Variants in CRISPLD2 observed in about 807,000 individuals in gnomAD.
CRISPLD2 encodes cysteine-rich secretory protein LCCL domain-containing 2.
CRISPLD2 carries 47 observed loss-of-function variants against 71.1 expected under a neutral mutation model. The observed-to-expected ratio is 0.66, with a 90% CI of 0.52 to 0.84. The LOEUF (loss-of-function observed/expected upper bound fraction) is 0.84. Ranked by LOEUF, CRISPLD2 falls within the 40% of genes least tolerant of loss-of-function variation. The pLI, the probability that CRISPLD2 is intolerant of heterozygous loss-of-function variation, is 0.00. For synonymous variants in CRISPLD2, 317 were observed against 250.1 expected (o/e 1.27, Z -2.52); for missense variants, 830 against 651.1 (o/e 1.27, Z -2.99).
In CRISPLD2 at chr16:84,889,415, C is replaced by G. The variant is rs763101235; in HGVS notation, c.1439+52C>G. The G allele has an allele frequency of 1.9e-6, 3 of 1,560,900 alleles. No homozygotes were observed. The South Asian group carries it at 3.6e-5, about 19-fold the overall frequency. ...CACCCAATCCCGGCTGCTAATGGTCCCTCAGGGGGCCTGGGAAGAGGCCCA... is the reference window on the plus strand; with the variant it reads ...CACCCAATCCCGGCTGCTAATGGTCGCTCAGGGGGCCTGGGAAGAGGCCCA... On this transcript the variant is annotated intron_variant, in intron 14 of 14. Transcript: ENST00000262424.
At chr16:84,863,957 C>CAAA (rs781013604) in intron 6 of CRISPLD2, among the ~76,000 whole-genome samples, 1,346 of 80,722 alleles carry the variant, frequency 0.017, 28 homozygotes, top group African/African-American at 0.055. Context: ...AACTTCCTCT[C>CAAA]AAAAAAAAAA....
intron 6 of CRISPLD2, among the ~76,000 whole-genome samples, chr16:84,861,329 A>G (rs1253214736): frequency 6.6e-6 from 1 of 152,146 alleles, no homozygotes; most frequent in Non-Finnish European, 1.5e-5. Context: ...AATAGGATAT[A>G]TATATATAGG....
intron 6 of CRISPLD2, among the ~76,000 whole-genome samples, chr16:84,855,562 C>T (rs1040267637): frequency 1.9e-4 from 29 of 152,158 alleles, no homozygotes; most frequent in African/African-American, 5.3e-4. Context: ...ACCCAGATTA[C>T]GGGTGGGTCT....
chr16:84,877,389 G>A lies in CRISPLD2; in HGVS notation c.1157-49G>A, dbSNP rs199708980. On this transcript the variant is annotated intron_variant, in intron 11 of 14. Transcript: ENST00000262424. ...CCATTGCACAGCCTGGTAGCCTGAG[G>A]CCCAGGCGTGCTGGGACCTGACCCT... 71 of 1,549,410 alleles carry A rather than the reference G, an allele frequency of 4.6e-5. 1 individual carries two copies. In the Admixed American group the frequency reaches 1.1e-3, roughly 25 times the overall value.
intron 11 of CRISPLD2, among the ~76,000 whole-genome samples, chr16:84,874,699 G>GT (rs528414429): frequency 6.6e-6 from 1 of 151,936 alleles, no homozygotes; most frequent in Non-Finnish European, 1.5e-5. Context: ...ATATGTAGTA[G>GT]TTTTTTTTCT....
Position 84,889,288 on chromosome 16 carries a change from G to C in CRISPLD2, c.1364G>C (p.Gly455Ala). ...GGAGTCATCAGCAACGAGAGTGGGG[G>C]TGACGTGGACGTGATGCCCGTGGAT... ...HAGVISNESG[G>A]DVDVMPVDKK... Residue 455 changes from glycine to alanine, a missense_variant, in exon 14 of 15, where the codon GGT becomes GCT. Physicochemically the swap from Gly to Ala is moderately conservative, Grantham distance 60. Transcript: ENST00000262424. 6.2e-7 allele frequency: 1 copy of C among 1,614,122 alleles called. No homozygotes were observed. The highest frequency in any genetic ancestry group is 8.5e-7 in the Non-Finnish European group (1 of 1,179,996).
In CRISPLD2 at chr16:84,866,868, AT is replaced by A. The variant is rs569772824; in HGVS notation, c.710-21del. On this transcript the variant is annotated intron_variant, in intron 6 of 14. Transcript: ENST00000262424. ...CGTTTTTGTTGAATCCCAGTGTGTT[AT>A]TTTTTTTCCTCCCTCTCCAATGTTA... 6.8e-4 allele frequency: 1,087 copies of A among 1,597,862 alleles called. 5 individuals carry two copies. Among genetic ancestry groups the A allele is most frequent in the Middle Eastern group, 3.7e-3 (22 of 6,002 alleles).
intron 14 of CRISPLD2, among the ~76,000 whole-genome samples, chr16:84,898,720 C>T (rs999776350): frequency 6.6e-6 from 1 of 152,230 alleles, no homozygotes; most frequent in African/African-American, 2.4e-5. Context: ...ACCCCACAGC[C>T]CTGATGCTGC....
chr16:84,893,323 A>G (rs2143359456), intron 14 of CRISPLD2, among the ~76,000 whole-genome samples: 1 of 152,332 alleles, frequency 6.6e-6, no homozygotes, highest in South Asian at 2.1e-4. Flanking sequence ...TGTTGCCACA[A>G]CTTCAAAAGA....
intron 14 of CRISPLD2, among the ~76,000 whole-genome samples, chr16:84,891,386 C>T (rs2071661323): frequency 6.6e-6 from 1 of 152,184 alleles, no homozygotes; most frequent in Non-Finnish European, 1.5e-5. Flanking sequence ...CCAGATCGTG[C>T]CCATTCTTCC....
At chr16:84,832,364 G>A (rs1256860236) in intron 1 of CRISPLD2, among the ~76,000 whole-genome samples, 2 of 152,258 alleles carry the variant, frequency 1.3e-5, no homozygotes, top group African/African-American at 2.4e-5. Flanking sequence ...GCAAGGTCAA[G>A]AATTGAACCC....
At chr16:84,879,520 G>A (rs377403318) in intron 12 of CRISPLD2, among the ~76,000 whole-genome samples, 1 of 152,104 alleles carries the variant, frequency 6.6e-6, no homozygotes, top group East Asian at 1.9e-4. Flanking sequence ...GCACCACCAC[G>A]CCTGGCTAAT....
At chr16:84,833,184 G>T (rs1192157213) in intron 1 of CRISPLD2, among the ~76,000 whole-genome samples, 1 of 152,190 alleles carries the variant, frequency 6.6e-6, no homozygotes, top group African/African-American at 2.4e-5. Context: ...AAAGCTCTGG[G>T]CAGCGCGGGA....
rs765728082 is a variant in CRISPLD2 at position 84,877,400 on chromosome 16, C to G, written c.1157-38C>G. 9 of 1,600,414 alleles carry G rather than the reference C, an allele frequency of 5.6e-6. No individual in the cohort carries two copies. The African/African-American group carries it at 1.1e-4, about 19-fold the overall frequency. On this transcript the variant is annotated intron_variant, in intron 11 of 14. Coordinates refer to ENST00000262424, the MANE Select transcript of CRISPLD2 (RefSeq NM_031476.4). ...CCTGGTAGCCTGAGGCCCAGGCGTG[C>G]TGGGACCTGACCCTTTCCCCCTTGC...
Position 84,850,700 on chromosome 16 carries a change from C to A in CRISPLD2, c.608+17C>A, listed in dbSNP as rs757413602. The A allele has an allele frequency of 4.4e-6, 7 of 1,592,434 alleles. No homozygotes were observed. The South Asian group carries it at 6.6e-5, about 15-fold the overall frequency. On this transcript the variant is annotated intron_variant, in intron 5 of 14. Transcript: ENST00000262424. ...TTCTCCAAAGTAAGACAAGTTGATG[C>A]CGTTGTATGGGGTGGGGGTTGGGAT...
chr16:84,835,165 A>C (rs1252231426), intron 1 of CRISPLD2, among the ~76,000 whole-genome samples: 1 of 151,948 alleles, frequency 6.6e-6, no homozygotes, highest in Non-Finnish European at 1.5e-5. Context: ...ATCTCGGCTC[A>C]CTGCAACCTC....
chr16:84,880,724 G>T lies in CRISPLD2; in HGVS notation c.1305+140G>T, dbSNP rs1387324203. ...ATTAATTAATTAATTAATTAATTTCGAGATGGAGTCTTACTCTGTTGCCCA... is the reference window on the plus strand; with the variant it reads ...ATTAATTAATTAATTAATTAATTTCTAGATGGAGTCTTACTCTGTTGCCCA... On this transcript the variant is annotated intron_variant, in intron 13 of 14. Transcript: ENST00000262424. 1.1e-5 allele frequency: 6 copies of T among 549,590 alleles called. No individual in the cohort carries two copies. The South Asian group carries it at 1.2e-4, about 11-fold the overall frequency. The allele number at this position is 549,590 out of a possible 1,614,324, so 34.0% of individuals were successfully genotyped here.
chr16:84,873,899 T>TG lies in CRISPLD2; in HGVS notation c.1113-21_1113-20insG. On this transcript the variant is annotated intron_variant, in intron 10 of 14. Transcript: ENST00000262424. ...TTGCATTTACCTAATGCCCGTTTTT[T>TG]TTTTTTTTTTTTTTAAACAGCAAAT... 3.3e-6 allele frequency: 5 copies of TG among 1,527,656 alleles called. No homozygotes were observed. In the South Asian group the frequency reaches 5.0e-5, roughly 15 times the overall value. The allele number at this position is 1,527,656 out of a possible 1,614,324, so 94.6% of individuals were successfully genotyped here.
At chr16:84,865,020 G>A (rs1011244677) in intron 6 of CRISPLD2, among the ~76,000 whole-genome samples, 51 of 152,204 alleles carry the variant, frequency 3.4e-4, no homozygotes, top group African/African-American at 1.2e-3. Context: ...CAGGGAGTCA[G>A]GCATTTGCCC....
Sources: gnomAD v4.1 joint callset for allele counts (sites outside exome capture counted in the v4.1 genomes callset) on GRCh38, gnomAD v4.1.1 for gene constraint, MANE v1.5 for transcripts, NCBI Gene and HGNC (gene_info 2026-07-23, HGNC 2026-07-21) for gene names.